The following BRINP3 variants were observed in gnomAD, a reference collection of about 807,000 sequenced individuals.
BRINP3 encodes the protein BMP/retinoic acid-inducible neural-specific protein 3.
A neutral mutation model predicts 71.0 loss-of-function variants in BRINP3; 19 were observed. The ratio of observed to expected loss-of-function variants is 0.27; its 90% CI spans 0.19 to 0.39. BRINP3 has a LOEUF of 0.39. BRINP3 is among the 10% of genes least tolerant of loss of function. The pLI, the probability that BRINP3 is intolerant of heterozygous loss-of-function variation, is 1.00. For synonymous variants in BRINP3, 380 were observed against 337.7 expected, an observed-to-expected ratio of 1.13 and a Z score of -1.37; for missense variants, 959 against 940.8, an observed-to-expected ratio of 1.02 and a Z score of -0.25.
At chr1:190,261,753 C>G (rs1405998257) in intron 4 of BRINP3, among the ~76,000 whole-genome samples, 1 of 152,102 alleles carries the variant, frequency 6.6e-6, no homozygotes, top group Non-Finnish European at 1.5e-5. Flanking sequence ...ACTTACATTA[C>G]CAAATCAAAG....
chr1:190,129,271 C>T (rs1484235217), intron 7 of BRINP3, among the ~76,000 whole-genome samples: 2 of 151,452 alleles, frequency 1.3e-5, no homozygotes, highest in East Asian at 1.9e-4. Flanking sequence ...CTATGTAAAC[C>T]AATTGTAAAA....
chr1:190,129,895 C>A (rs550496659), intron 7 of BRINP3, among the ~76,000 whole-genome samples: 3 of 152,048 alleles, frequency 2.0e-5, no homozygotes, highest in South Asian at 2.1e-4. Context: ...GAACACGAAT[C>A]CATTCTTTAG....
chr1:190,438,151 A>G (rs1323616665), intron 2 of BRINP3, among the ~76,000 whole-genome samples: 1 of 151,500 alleles, frequency 6.6e-6, no homozygotes. Flanking sequence ...GAAATTGGAT[A>G]AAATATTTTC....
At chr1:190,265,114 T>A in intron 3 of BRINP3, 59 bp from the exon 4 acceptor site, 1 of 1,440,208 alleles carries the variant, frequency 6.9e-7, no homozygotes, top group Non-Finnish European at 9.5e-7. Context: ...TTTTTTAACT[T>A]ATCTGCAGGT....
At chr1:190,242,741 T>C (rs142573197) in intron 4 of BRINP3, among the ~76,000 whole-genome samples, 5 of 152,184 alleles carry the variant, frequency 3.3e-5, no homozygotes, top group Admixed American at 1.3e-4. Context: ...GCAAACAATA[T>C]CATGTATATC....
intron 2 of BRINP3, among the ~76,000 whole-genome samples, chr1:190,292,588 GTCTACCTTGA>G (rs1663954001): frequency 6.6e-6 from 1 of 151,680 alleles, no homozygotes; most frequent in African/African-American, 2.4e-5. Context: ...AGGAAGTCTA[GTCTACCTTGA>G]TCTGTGATTG....
intron 4 of BRINP3, among the ~76,000 whole-genome samples, chr1:190,247,582 C>T (rs913611337): frequency 2.6e-5 from 4 of 151,894 alleles, no homozygotes; most frequent in African/African-American, 9.7e-5. Context: ...TCTATCCTAT[C>T]TAGCTGTAAC....
At chr1:190,125,346 T>TTA (rs1016991140) in intron 7 of BRINP3, among the ~76,000 whole-genome samples, 6 of 151,306 alleles carry the variant, frequency 4.0e-5, no homozygotes, top group East Asian at 1.9e-4. Flanking sequence ...TACACATATA[T>TTA]TATATATATA....
chr1:190,317,170 TCAA>T (rs375477253), intron 2 of BRINP3, among the ~76,000 whole-genome samples: 53,486 of 95,786 alleles, frequency 0.56, 11,110 homozygotes, highest in Admixed American at 0.61. Context: ...AGAGTCCATC[TCAA>T]AAAAAAAAAA....
chr1:190,273,097 A>G (rs1023782395), intron 3 of BRINP3, among the ~76,000 whole-genome samples: 2 of 148,380 alleles, frequency 1.3e-5, no homozygotes, highest in Non-Finnish European at 3.0e-5. Context: ...TTTTGTAATT[A>G]TCTTCTTCAC....
chr1:190,357,912 C>G (rs914221836), intron 2 of BRINP3, among the ~76,000 whole-genome samples: 7 of 151,896 alleles, frequency 4.6e-5, no homozygotes, highest in South Asian at 2.1e-4. Flanking sequence ...AATGGGGAAA[C>G]GATTCCCTAT....
chr1:190,427,329 C>T (rs1470540899), intron 2 of BRINP3, among the ~76,000 whole-genome samples: 2 of 151,838 alleles, frequency 1.3e-5, no homozygotes, highest in African/African-American at 2.4e-5. Context: ...TCTGTGTGCA[C>T]TCACTTAGTA....
At position 190,113,455 on chromosome 1, in the gene BRINP3, T is replaced by G. The variant is rs1376352032; in HGVS notation, c.1185-14321A>C. 3.3e-5 allele frequency among the ~76,000 whole-genome samples: 5 copies of G among 152,120 alleles called. No individual in the cohort carries two copies. The East Asian group carries it at 9.6e-4, about 29-fold the overall frequency. On this transcript the variant is annotated intron_variant, in intron 7 of 7. Transcript: ENST00000367462. ...TACCATTGCCGAAAAGTCAGTCCAT[T>G]TAAAATACATGGACAAAGAAGAACA...
intron 4 of BRINP3, among the ~76,000 whole-genome samples, chr1:190,245,773 C>G (rs1659543898): frequency 8.5e-6 from 1 of 117,702 alleles, no homozygotes; most frequent in Non-Finnish European, 1.7e-5. Context: ...CCACAACAGG[C>G]CCCAGTGTGT....
rs372324138 is a variant in BRINP3 at position 190,264,976 on chromosome 1, G to T, written c.507C>A (p.Ser169Arg). 8.1e-6 allele frequency: 13 copies of T among 1,611,110 alleles called. No homozygotes were observed. The highest frequency in any genetic ancestry group is 1.1e-5 in the Non-Finnish European group (13 of 1,179,092). Residue 169 changes from serine to arginine, a missense_variant, in exon 4 of 8, where the codon AGC becomes AGA. By Grantham distance (110) the Ser-to-Arg change is moderately radical (BLOSUM62 -1). Transcript: ENST00000367462. The stretch of plus-strand genomic sequence containing the variant: ...GTAGCGTCTCCAGAGTGACCGAAGA[G>T]CTATTGGTGGTGGAATCACTTCCTT... ...RAEGSDSTTN[S>R]SSVTLETLHQ...
intron 1 of BRINP3, among the ~76,000 whole-genome samples, chr1:190,463,165 A>G (rs1676507148): frequency 6.6e-6 from 1 of 151,862 alleles, no homozygotes; most frequent in African/African-American, 2.4e-5. Context: ...TGATTATTCA[A>G]TCTTATTATA....
intron 1 of BRINP3, among the ~76,000 whole-genome samples, chr1:190,469,236 A>G (rs547616181): frequency 1.3e-5 from 2 of 151,114 alleles, no homozygotes; most frequent in South Asian, 2.1e-4. Flanking sequence ...CTTCCTCATT[A>G]TTGTTTGGTA....
At chr1:190,409,306 T>C (rs1672503379) in intron 2 of BRINP3, among the ~76,000 whole-genome samples, 1 of 152,146 alleles carries the variant, frequency 6.6e-6, no homozygotes, top group Non-Finnish European at 1.5e-5. Context: ...ATTATTTTAT[T>C]TAGTATACTG....
At chr1:190,281,285 T>A (rs977363604) in intron 3 of BRINP3, among the ~76,000 whole-genome samples, 1 of 151,986 alleles carries the variant, frequency 6.6e-6, no homozygotes, top group African/African-American at 2.4e-5. Flanking sequence ...AAAGTTTCCA[T>A]ATCACCTTAC....
Sources: gnomAD v4.1 joint callset for allele counts (sites outside exome capture counted in the v4.1 genomes callset) on GRCh38, gnomAD v4.1.1 for gene constraint, MANE v1.5 for transcripts, NCBI Gene and HGNC (gene_info 2026-07-23, HGNC 2026-07-21) for gene names.